Variants in TAF4B observed in about 807,000 individuals in gnomAD.
The protein encoded by TAF4B is TATA-box binding protein associated factor 4b, also known as transcription initiation factor TFIID subunit 4B.
Under a neutral mutation model 86.4 loss-of-function variants are expected in TAF4B, and 38 were observed. That is an observed-to-expected ratio of 0.44 (90% confidence interval 0.34 to 0.58). The LOEUF (loss-of-function observed/expected upper bound fraction) is 0.58, where lower values mean the gene tolerates loss of function less well. Ranked by LOEUF, TAF4B falls within the 20% of genes least tolerant of loss-of-function variation. TAF4B has a pLI of 0.02. For missense variants in TAF4B, 988 were observed against 1,027.6 expected (o/e 0.96, Z 0.53); for synonymous variants, 388 against 391.2 (o/e 0.99, Z 0.10).
chr18:26,255,764 C>G, intron 1 of TAF4B: 1 of 1,562,302 alleles, frequency 6.4e-7, no homozygotes, highest in Non-Finnish European at 8.8e-7. Flanking sequence ...CAGCTGCTTT[C>G]TTATTGCTGC....
At chr18:26,267,312 C>T (rs1362786258) in intron 2 of TAF4B, 4 of 411,772 alleles carry the variant, frequency 9.7e-6, no homozygotes, top group Admixed American at 4.0e-5. Context: ...TCAGTTGCCA[C>T]CTTAGAAATA....
At chr18:26,266,407 G>A (rs62085369) in intron 2 of TAF4B, among the ~76,000 whole-genome samples, 16,897 of 152,062 alleles carry the variant, frequency 0.11, 973 homozygotes, top group Middle Eastern at 0.14. Flanking sequence ...ACTGTACCCA[G>A]CCTATAGTAT....
At chr18:26,240,319 C>T (rs2055817491) in intron 1 of TAF4B, among the ~76,000 whole-genome samples, 1 of 152,120 alleles carries the variant, frequency 6.6e-6, no homozygotes, top group African/African-American at 2.4e-5. Flanking sequence ...AAGTTGGATT[C>T]CTAGGTATTT....
intron 1 of TAF4B, among the ~76,000 whole-genome samples, chr18:26,257,995 C>T (rs905375535): frequency 2.0e-5 from 3 of 151,972 alleles, no homozygotes; most frequent in Non-Finnish European, 4.4e-5. Context: ...GTGGCTCATG[C>T]CTGTAATCCC....
intron 9 of TAF4B, among the ~76,000 whole-genome samples, chr18:26,311,217 C>G (rs2056851017): frequency 1.3e-5 from 2 of 152,118 alleles, no homozygotes; most frequent in East Asian, 3.8e-4. Flanking sequence ...AACATGTGCT[C>G]TCAGGAGTTC....
chr18:26,260,733 C>T (rs1198319284), intron 1 of TAF4B, among the ~76,000 whole-genome samples: 1 of 152,102 alleles, frequency 6.6e-6, no homozygotes, highest in African/African-American at 2.4e-5. Flanking sequence ...TTTAGGTTTA[C>T]TTTTGAATCT....
chr18:26,336,397 A>G (rs1331435444), intron 13 of TAF4B, among the ~76,000 whole-genome samples: 1 of 152,190 alleles, frequency 6.6e-6, no homozygotes, highest in Non-Finnish European at 1.5e-5. Context: ...GGATTAATGT[A>G]GGAATTGAGG....
chr18:26,263,606 G>A (rs2056198965), intron 1 of TAF4B, among the ~76,000 whole-genome samples: 1 of 152,134 alleles, frequency 6.6e-6, no homozygotes, highest in Non-Finnish European at 1.5e-5. Context: ...GTCTTTTGCT[G>A]AATAACAGTT....
intron 13 of TAF4B, among the ~76,000 whole-genome samples, chr18:26,350,163 A>T (rs967327946): frequency 2.0e-5 from 3 of 152,236 alleles, no homozygotes; most frequent in African/African-American, 7.2e-5. Flanking sequence ...ATATTTTATG[A>T]ATAAGACGTC....
At chr18:26,293,072 G>A (rs1440517945) in intron 8 of TAF4B, among the ~76,000 whole-genome samples, 1 of 152,082 alleles carries the variant, frequency 6.6e-6, no homozygotes, top group East Asian at 1.9e-4. Context: ...ACCCAAGTCA[G>A]GTAGACTGGG....
Position 26,286,085 on chromosome 18 carries a change from A to C in TAF4B, c.1176A>C (p.Ser392=). Residue 392 remains serine (S), a synonymous_variant, in exon 7 of 15, where the codon TCA becomes TCC. Transcript: ENST00000269142. ...VSGATAPRTV[S]VQTLNPLAGP... ...GAGCAACAGCACCCAGAACTGTGTC[A>C]GTGCAAACTTTGAACCCACTTGCTG... 6.2e-7 allele frequency: 1 copy of C among 1,614,234 alleles called. No homozygotes were observed. The highest frequency in any genetic ancestry group is 1.3e-5 in the African/African-American group (1 of 75,062).
chr18:26,259,015 T>G (rs2056125095), intron 1 of TAF4B, among the ~76,000 whole-genome samples: 1 of 152,060 alleles, frequency 6.6e-6, no homozygotes, highest in Non-Finnish European at 1.5e-5. Context: ...TAAATGTCTT[T>G]GCCTTCCTTT....
chr18:26,227,172 C>G lies in TAF4B; in HGVS notation c.239C>G (p.Pro80Arg). 1 of 1,614,180 alleles carries G rather than the reference C, an allele frequency of 6.2e-7. No homozygotes were observed. Among genetic ancestry groups the G allele is most frequent in the Non-Finnish European group, 8.5e-7 (1 of 1,180,020 alleles). The change falls in exon 1 of 15, where the codon CCT becomes CGT. Residue 80 changes from proline (P) to arginine (R), a missense_variant. By Grantham distance (103) the Pro-to-Arg change is moderately radical (BLOSUM62 -2). This residue lies in a region of TAF4B where 747 missense variants were observed against 737.9 expected (regional missense o/e 1.01). Coordinates refer to ENST00000269142, the MANE Select transcript of TAF4B (RefSeq NM_005640.3). ...VTKVAPVSAPPKVSSGPRLPA... is the reference protein window; with the variant it reads ...VTKVAPVSAPRKVSSGPRLPA... Reference sequence around the variant, plus strand: ...AAAGTGGCTCCGGTCAGCGCCCCTCCTAAAGTCAGCAGCGGCCCTAGGCTG... The same window carrying G: ...AAAGTGGCTCCGGTCAGCGCCCCTCGTAAAGTCAGCAGCGGCCCTAGGCTG...
chr18:26,231,502 C>A (rs565909851), intron 1 of TAF4B, among the ~76,000 whole-genome samples: 78 of 151,870 alleles, frequency 5.1e-4, no homozygotes, highest in Middle Eastern at 6.8e-3. Flanking sequence ...CAGGTGTGTG[C>A]CACCACACCA....
chr18:26,298,851 C>CATT (rs2056695982), intron 9 of TAF4B, among the ~76,000 whole-genome samples: 1 of 46,542 alleles, frequency 2.1e-5, no homozygotes, highest in African/African-American at 9.1e-5. Context: ...AGCCTATTGC[C>CATT]TTTTTTTTTT....
intron 3 of TAF4B, among the ~76,000 whole-genome samples, chr18:26,268,496 C>T (rs567568030): frequency 4.6e-5 from 7 of 152,292 alleles, no homozygotes; most frequent in South Asian, 2.1e-4. Flanking sequence ...TAAATGATAA[C>T]GACCAGACCC....
At chr18:26,331,315 G>C (rs2057048751) in intron 12 of TAF4B, among the ~76,000 whole-genome samples, 1 of 152,116 alleles carries the variant, frequency 6.6e-6, no homozygotes, top group African/African-American at 2.4e-5. Context: ...TATTATACTT[G>C]CTCTTTATCT....
chr18:26,358,509 G>C (rs994155909), intron 14 of TAF4B, among the ~76,000 whole-genome samples: 1 of 152,166 alleles, frequency 6.6e-6, no homozygotes, highest in Non-Finnish European at 1.5e-5. Context: ...AGGAGATCGA[G>C]ACCATCCTGT....
intron 1 of TAF4B, among the ~76,000 whole-genome samples, chr18:26,227,614 A>G (rs568804249): frequency 6.6e-6 from 1 of 152,240 alleles, no homozygotes; most frequent in African/African-American, 2.4e-5. Context: ...ATACGCTTAG[A>G]TTATGTAGAA....
Sources: gnomAD v4.1 joint callset for allele counts (sites outside exome capture counted in the v4.1 genomes callset) on GRCh38, gnomAD v4.1.1 for gene constraint, gnomAD v4.1.1 regional missense constraint, MANE v1.5 for transcripts, NCBI Gene and HGNC (gene_info 2026-07-23, HGNC 2026-07-21) for gene names.